The following DMXL2 variants were observed in gnomAD, a reference collection of about 807,000 sequenced individuals.
DMXL2 encodes Dmx like 2.
Under a neutral mutation model 331.1 loss-of-function variants are expected in DMXL2, and 103 were observed. That is an observed-to-expected ratio of 0.31 (90% CI 0.27 to 0.37). The LOEUF is 0.37. DMXL2 is among the 10% of genes least tolerant of loss of function. DMXL2 has a pLI of 1.00. For missense variants in DMXL2, 3,171 were observed against 3,642.9 expected, an observed-to-expected ratio of 0.87 and a Z score of 3.33; for synonymous variants, 1,281 against 1,252.1, an observed-to-expected ratio of 1.02 and a Z score of -0.49.
At chr15:51,582,647 C>T (rs1341054092) in intron 1 of DMXL2, among the ~76,000 whole-genome samples, 1 of 151,838 alleles carries the variant, frequency 6.6e-6, no homozygotes, top group Non-Finnish European at 1.5e-5. Context: ...TTATGATACT[C>T]TCAGAATTAT....
Position 51,558,368 on chromosome 15 carries a change from AAG to A in DMXL2, c.567+5011_567+5012del, listed in dbSNP as rs2049735226. On this transcript the variant is annotated intron_variant, in intron 6 of 43. Coordinates refer to ENST00000560891, the MANE Select transcript of DMXL2 (RefSeq NM_001378457.1). ...TGCTTCTGAAGAAACCAAGAAAACT[AAG>A]ACCCAAAGGCATCATGAACCTTAAT... 2.0e-5 allele frequency among the ~76,000 whole-genome samples: 3 copies of A among 152,312 alleles called. No homozygotes were observed. The South Asian group carries it at 6.2e-4, about 32-fold the overall frequency.
At chr15:51,455,438 AC>A (rs2141206160) in intron 39 of DMXL2, among the ~76,000 whole-genome samples, 1 of 152,102 alleles carries the variant, frequency 6.6e-6, no homozygotes, top group African/African-American at 2.4e-5. Flanking sequence ...TCATTCTGTT[AC>A]CCAGGCTGGA....
rs2054725546 is a variant in DMXL2, at chr15:51,622,536, G to A, written c.10C>T (p.His4Tyr). The A allele has an allele frequency of 1.9e-6, 3 of 1,557,100 alleles. No homozygotes were observed. The highest frequency in any genetic ancestry group is 1.7e-6 in the Non-Finnish European group (2 of 1,149,912). Reference sequence around the variant, plus strand: ...TTGACAGCTCCGGTGAGGACCTGATGCAGATGCATCTCCGGAGCCCGGGCT... The same window carrying A: ...TTGACAGCTCCGGTGAGGACCTGATACAGATGCATCTCCGGAGCCCGGGCT... MHL[H>Y]QVLTGAVNPG... Residue 4 changes from histidine to tyrosine, a missense_variant, in exon 1 of 44, where the codon CAT becomes TAT. Transcript: ENST00000560891.
rs1166997310 is a variant in DMXL2 at position 51,503,011 on chromosome 15, G to A, written c.2787C>T (p.Ser929=). 6.2e-7 allele frequency: 1 copy of A among 1,612,578 alleles called. No individual in the cohort carries two copies. The highest frequency in any genetic ancestry group is 8.5e-7 in the Non-Finnish European group (1 of 1,178,896). Residue 929 remains serine (S), a synonymous_variant, in exon 17 of 44, where the codon TCC becomes TCT. Transcript: ENST00000560891. ...ACLAKASEGA[S]SESLLSVPGQ... is the part of the protein sequence containing the mutation. Reference sequence around the variant, plus strand: ...CAGGGACTGAAAGTAGACTCTCAGAGGAAGCCCCTTCTGAAGCTTTAGCTT... The same window carrying A: ...CAGGGACTGAAAGTAGACTCTCAGAAGAAGCCCCTTCTGAAGCTTTAGCTT...
intron 13 of DMXL2, among the ~76,000 whole-genome samples, chr15:51,531,945 A>G (rs1445832446): frequency 6.6e-6 from 1 of 152,232 alleles, no homozygotes; most frequent in African/African-American, 2.4e-5. Context: ...TAGTACAACC[A>G]TGATAGAGAA....
chr15:51,600,383 T>C (rs555069019), intron 1 of DMXL2, among the ~76,000 whole-genome samples: 1 of 152,304 alleles, frequency 6.6e-6, no homozygotes, highest in South Asian at 2.1e-4. Flanking sequence ...GCATGACTCA[T>C]GCCTGCTTGC....
At chr15:51,530,952 C>T (rs1382769997) in intron 13 of DMXL2, among the ~76,000 whole-genome samples, 1 of 152,124 alleles carries the variant, frequency 6.6e-6, no homozygotes, top group Non-Finnish European at 1.5e-5. Flanking sequence ...AAAATGTCCA[C>T]ACTACCCCAA....
intron 26 of DMXL2, 114 bp downstream of exon 26, chr15:51,478,157 A>C: frequency 1.4e-6 from 1 of 702,802 alleles, no homozygotes; most frequent in East Asian, 2.9e-5. Flanking sequence ...TTAAAATATC[A>C]TGGCTGTCAT....
Position 51,488,069 on chromosome 15 carries a change from T to G in DMXL2, c.5102A>C (p.Glu1701Ala). The G allele has an allele frequency of 1.2e-6, 2 of 1,612,056 alleles. No individual in the cohort carries two copies. The highest frequency in any genetic ancestry group is 1.7e-6 in the Non-Finnish European group (2 of 1,179,256). ...CAAAGCAGCTTTTCGCCATCTATCT[T>G]CATTAAAGTTGTGGCTGAAAAATGT... ...MTTFFSHNFNEDRWRKAALKN... is the reference protein window; with the variant it reads ...MTTFFSHNFNADRWRKAALKN... Residue 1701 changes from glutamate (E) to alanine (A), a missense_variant, in exon 22 of 44, where the codon GAA becomes GCA. This residue lies in a region of DMXL2 where 252 missense variants were observed against 387.4 expected (regional missense o/e 0.65). Transcript: ENST00000560891.
rs12101858 is a variant in DMXL2 at position 51,491,784 on chromosome 15, G to C, written c.4784-37C>G. ...ATATAAAATAATAATCTGCGTAACT[G>C]TATCAAATAAGAAGAAAAACAATTT... On this transcript the variant is annotated intron_variant, in intron 19 of 43. Transcript: ENST00000560891. 736,303 of 1,542,192 alleles carry C rather than the reference G, an allele frequency of 0.48. 178,346 individuals are homozygous for C. Among genetic ancestry groups the C allele is most frequent in the Admixed American group, 0.5 (22,900 of 45,512 alleles).
At chr15:51,475,990 TG>T (rs941291604) in intron 27 of DMXL2, among the ~76,000 whole-genome samples, 2 of 152,192 alleles carry the variant, frequency 1.3e-5, no homozygotes, top group Non-Finnish European at 2.9e-5. Flanking sequence ...TGCAATTTTT[TG>T]CAAGTCTGAA....
intron 1 of DMXL2, among the ~76,000 whole-genome samples, chr15:51,598,413 T>C (rs1428448340): frequency 6.6e-6 from 1 of 152,204 alleles, no homozygotes; most frequent in Non-Finnish European, 1.5e-5. Flanking sequence ...ATGACCACAG[T>C]ACAATTATCA....
chr15:51,508,874 G>GA (rs1224111570), intron 15 of DMXL2, among the ~76,000 whole-genome samples: 1 of 152,078 alleles, frequency 6.6e-6, no homozygotes, highest in Non-Finnish European at 1.5e-5. Context: ...GATAAAATTG[G>GA]AAAATCATAA....
At chr15:51,527,127 G>A (rs2047718767) in intron 13 of DMXL2, among the ~76,000 whole-genome samples, 1 of 152,102 alleles carries the variant, frequency 6.6e-6, no homozygotes, top group African/African-American at 2.4e-5. Flanking sequence ...GATAAAGAAA[G>A]GATCCCAACA....
At chr15:51,485,006 C>T (rs183042004) in intron 23 of DMXL2, among the ~76,000 whole-genome samples, 97 of 96,860 alleles carry the variant, frequency 1.0e-3, no homozygotes, top group African/African-American at 3.6e-3. Flanking sequence ...AACTTGAAAA[C>T]AGGTCTTTTG....
At chr15:51,516,963 G>T (rs2047069795) in intron 14 of DMXL2, 115 bp downstream of exon 14, 1 of 804,914 alleles carries the variant, frequency 1.2e-6, no homozygotes. Context: ...AACATAAGTT[G>T]TCTGCATTTA....
rs1014894628 is a variant in DMXL2, at chr15:51,448,267, G to A, written c.*717C>T. The A allele has an allele frequency of 3.3e-5, 5 of 152,686 alleles. No individual in the cohort carries two copies. Among genetic ancestry groups the A allele is most frequent in the Admixed American group, 6.5e-5 (1 of 15,282 alleles). The allele number at this position is 152,686 out of a possible 1,614,324, so 9.5% of individuals were successfully genotyped here. A position where few individuals can be genotyped will look rare whatever the true frequency, so the allele number is the denominator to read the frequency against. On this transcript the variant is annotated 3_prime_UTR_variant, in exon 44 of 44. Coordinates refer to ENST00000560891, the MANE Select transcript of DMXL2 (RefSeq NM_001378457.1). ...TAAACTGGACTAAGAAGGTGTGTTT[G>A]GTTAACTACAAATATGTCATGTTCA...
At chr15:51,557,658 G>T (rs185998486) in intron 6 of DMXL2, among the ~76,000 whole-genome samples, 78 of 152,270 alleles carry the variant, frequency 5.1e-4, no homozygotes, top group Admixed American at 4.3e-3. Context: ...AATTAAGTCA[G>T]GTGACACTCA....
intron 1 of DMXL2, among the ~76,000 whole-genome samples, chr15:51,605,166 C>T (rs1201660965): frequency 2.6e-5 from 4 of 151,980 alleles, no homozygotes; most frequent in African/African-American, 4.8e-5. Flanking sequence ...TACCAAAACT[C>T]GACAAAAACA....
Sources: allele counts gnomAD v4.1 joint callset (sites outside exome capture counted in the v4.1 genomes callset), GRCh38; gene constraint gnomAD v4.1.1; regional missense constraint gnomAD v4.1.1; transcripts MANE v1.5; gene names NCBI Gene and HGNC (gene_info 2026-07-23, HGNC 2026-07-21).